Variants in PTPRJ observed in about 807,000 individuals in gnomAD.
The protein encoded by PTPRJ is receptor-type tyrosine-protein phosphatase eta.
In PTPRJ, 129 loss-of-function variants were observed where a neutral mutation model predicts 141.3. That is an observed-to-expected ratio of 0.91 (90% confidence interval 0.79 to 1.06). The LOEUF (loss-of-function observed/expected upper bound fraction) is 1.06. Among genes scored for constraint, PTPRJ ranks in the 50% least tolerant of loss-of-function variants. The probability of loss-of-function intolerance (pLI) is 0.00; values close to 1 mark genes in which losing one functional copy is unlikely to be tolerated. For missense variants in PTPRJ, 1,601 were observed against 1,679.7 expected (o/e 0.95, Z 0.82); for synonymous variants, 610 against 640.5 (o/e 0.95, Z 0.72).
intron 22 of PTPRJ, among the ~76,000 whole-genome samples, chr11:48,161,174 C>T (rs531373418): frequency 4.2e-3 from 36 of 8,526 alleles, no homozygotes; most frequent in Non-Finnish European, 5.8e-3. Flanking sequence ...AAGCAAGACC[C>T]GGTCTCAAAA....
At chr11:48,017,619 C>CT (rs1293040378) in intron 1 of PTPRJ, among the ~76,000 whole-genome samples, 1 of 152,180 alleles carries the variant, frequency 6.6e-6, no homozygotes, top group African/African-American at 2.4e-5. Context: ...GCTAGCCACA[C>CT]TGAACAAGCC....
At chr11:48,139,452 C>T (rs745988969) in intron 10 of PTPRJ, 34 bp from the exon 11 acceptor site, 50 of 1,599,370 alleles carry the variant, frequency 3.1e-5, no homozygotes, top group African/African-American at 1.2e-4. Context: ...GCAAAAGTCC[C>T]GGAATCTCAT....
chr11:48,159,129 G>GTC lies in PTPRJ; in HGVS notation c.3439-800_3439-799insCT, dbSNP rs1277080650. On this transcript the variant is annotated intron_variant, in intron 21 of 24. Transcript: ENST00000418331. The stretch of plus-strand genomic sequence containing the variant: ...GTGTGTGTGTGTATGTGGGGTGTGT[G>GTC]TGTGTGTGTGTGTGTGTGTGTGTGT... Among the ~76,000 whole-genome samples the GTC allele has an allele frequency of 1.4e-4, 20 of 143,558 alleles. 2 individuals carry two copies. The highest frequency in any genetic ancestry group is 9.1e-4 in the South Asian group (4 of 4,394). The allele number at this position is 143,558 out of a possible 152,430, so 94.2% of individuals were successfully genotyped here.
At chr11:48,083,813 A>T (rs1307922283) in intron 1 of PTPRJ, among the ~76,000 whole-genome samples, 1 of 152,250 alleles carries the variant, frequency 6.6e-6, no homozygotes, top group Non-Finnish European at 1.5e-5. Context: ...GTCTAGACCC[A>T]TGGTTCTCAA....
At chr11:48,004,037 C>T (rs1854564308) in intron 1 of PTPRJ, among the ~76,000 whole-genome samples, 1 of 152,148 alleles carries the variant, frequency 6.6e-6, no homozygotes, top group Admixed American at 6.5e-5. Flanking sequence ...TAGCCAGAAA[C>T]CAGCTGAGCC....
chr11:48,133,613 C>A (rs1315654764), intron 8 of PTPRJ, among the ~76,000 whole-genome samples: 1 of 152,146 alleles, frequency 6.6e-6, no homozygotes, highest in Non-Finnish European at 1.5e-5. Context: ...CTATGTATAT[C>A]TCCAAAAGAA....
intron 1 of PTPRJ, among the ~76,000 whole-genome samples, chr11:48,006,704 G>C (rs1854633127): frequency 6.6e-6 from 1 of 152,124 alleles, no homozygotes; most frequent in Non-Finnish European, 1.5e-5. Flanking sequence ...AGGTCACCCA[G>C]TGTCCTTGCC....
chr11:48,092,763 A>G (rs1268580238), intron 1 of PTPRJ, among the ~76,000 whole-genome samples: 4 of 152,102 alleles, frequency 2.6e-5, no homozygotes, highest in Non-Finnish European at 5.9e-5. Flanking sequence ...TCCACCTATA[A>G]GTGAAGTTGT....
In PTPRJ at chr11:48,153,821, A is replaced by T. The variant is rs777725395; in HGVS notation, c.3164A>T (p.Gln1055Leu). 6.2e-7 allele frequency: 1 copy of T among 1,613,582 alleles called. No homozygotes were observed. The highest frequency in any genetic ancestry group is 2.2e-5 in the East Asian group (1 of 44,850). The change falls in exon 19 of 25, where the codon CAA (glutamine) becomes CTA (leucine). Residue 1055 changes from glutamine to leucine, a missense_variant. Transcript: ENST00000418331. ...YEDLKLVGIS[Q>L]PKYAAELAEN... ...GATCTGAAGCTTGTTGGAATTAGTC[A>T]ACCTAAATATGCAGCAGAACTGGCT...
Position 48,137,067 on chromosome 11 carries a change from G to A in PTPRJ, c.1938G>A (p.Gln646=). ...TNTTAATLSW[Q]NFDDASPTYS... The stretch of plus-strand genomic sequence containing the variant: ...CCACAGCAGCAACTTTAAGTTGGCA[G>A]AACTTTGATGACGCCTCTCCCACGT... The change falls in exon 10 of 25, where the codon CAG becomes CAA. Residue 646 remains glutamine, a synonymous_variant. Coordinates refer to ENST00000418331, the MANE Select transcript of PTPRJ (RefSeq NM_002843.4). 5 of 1,604,146 alleles carry A rather than the reference G, an allele frequency of 3.1e-6. No individual in the cohort carries two copies. Among genetic ancestry groups the A allele is most frequent in the Non-Finnish European group, 3.4e-6 (4 of 1,170,868 alleles).
intron 4 of PTPRJ, among the ~76,000 whole-genome samples, chr11:48,122,796 G>A (rs1389008776): frequency 6.6e-6 from 1 of 152,214 alleles, no homozygotes; most frequent in Non-Finnish European, 1.5e-5. Context: ...GCTGGACGGT[G>A]CCTTAGAATC....
intron 1 of PTPRJ, among the ~76,000 whole-genome samples, chr11:48,084,859 G>A (rs1242082864): frequency 6.6e-6 from 1 of 152,122 alleles, no homozygotes; most frequent in Non-Finnish European, 1.5e-5. Context: ...GCCATTCAAA[G>A]TGCAGTGGAT....
At chr11:48,122,549 G>A (rs1158924669) in intron 4 of PTPRJ, among the ~76,000 whole-genome samples, 1 of 152,218 alleles carries the variant, frequency 6.6e-6, no homozygotes, top group Non-Finnish European at 1.5e-5. Context: ...ATGTGGAGAA[G>A]TTAAGTTTCT....
chr11:48,031,330 C>T (rs1423016089), intron 1 of PTPRJ, among the ~76,000 whole-genome samples: 1 of 151,658 alleles, frequency 6.6e-6, no homozygotes, highest in Non-Finnish European at 1.5e-5. Context: ...GGTCTGTCCT[C>T]TCCTGGGACT....
At chr11:48,143,862 C>G (rs897923949) in intron 12 of PTPRJ, among the ~76,000 whole-genome samples, 15 of 143,330 alleles carry the variant, frequency 1.0e-4, no homozygotes, top group South Asian at 4.7e-4. Context: ...CTCCCCTTCT[C>G]CCCTTCTCCT....
At chr11:48,010,877 T>C (rs547838582) in intron 1 of PTPRJ, among the ~76,000 whole-genome samples, 1 of 152,172 alleles carries the variant, frequency 6.6e-6, no homozygotes, top group African/African-American at 2.4e-5. Flanking sequence ...ATAGGGTTTT[T>C]CTGTGTGGCT....
Position 48,158,947 on chromosome 11 carries a change from C to G in PTPRJ, c.3439-983C>G, listed in dbSNP as rs918947919. 6.6e-6 allele frequency among the ~76,000 whole-genome samples: 1 copy of G among 152,108 alleles called. No homozygotes were observed. Among genetic ancestry groups the G allele is most frequent in the Non-Finnish European group, 1.5e-5 (1 of 68,030 alleles). On this transcript the variant is annotated intron_variant, in intron 21 of 24. Coordinates refer to ENST00000418331, the MANE Select transcript of PTPRJ (RefSeq NM_002843.4). The surrounding 1 kb of genome is among the most constrained non-coding windows in gnomAD (Gnocchi z 4.4). ...AGCTTGTATGACAGAGTGAGACTGT[C>G]TCAAACAAACACACAAACAAAAAAC...
intron 24 of PTPRJ, among the ~76,000 whole-genome samples, chr11:48,166,577 A>T (rs1285628074): frequency 6.6e-6 from 1 of 152,032 alleles, no homozygotes; most frequent in Non-Finnish European, 1.5e-5. Context: ...GCCTCCCCAA[A>T]GTGCTGGGAT....
intron 6 of PTPRJ, among the ~76,000 whole-genome samples, chr11:48,125,993 G>A (rs1480651531): frequency 1.3e-5 from 2 of 152,180 alleles, no homozygotes; most frequent in South Asian, 4.1e-4. Context: ...GAGGCTCTCG[G>A]GTGAGGAGGG....
Sources: allele counts gnomAD v4.1 joint callset (sites outside exome capture counted in the v4.1 genomes callset), GRCh38; gene constraint gnomAD v4.1.1; non-coding constraint Gnocchi (gnomAD v3.1); transcripts MANE v1.5; gene names NCBI Gene and HGNC (gene_info 2026-07-23, HGNC 2026-07-21).